Variants in GLT8D2 observed in about 807,000 individuals in gnomAD.
GLT8D2 encodes the protein glycosyltransferase 8 domain containing 2.
In GLT8D2, 45 loss-of-function variants were observed where a neutral mutation model predicts 44.5. That is an observed-to-expected ratio of 1.01 (90% CI 0.80 to 1.30). The LOEUF (loss-of-function observed/expected upper bound fraction) is 1.30, where lower values mean the gene tolerates loss of function less well. Ranked by LOEUF, GLT8D2 falls within the 50% of genes most tolerant of loss-of-function variation. The pLI, the probability that GLT8D2 is intolerant of heterozygous loss-of-function variation, is 0.00. For missense variants in GLT8D2, 400 were observed against 430.4 expected (o/e 0.93, Z 0.62); for synonymous variants, 156 against 157.2 (o/e 0.99, Z 0.06).
rs530663072 is a variant in GLT8D2, at chr12:104,063,004, T to C, written c.-423+945A>G. Among the ~76,000 whole-genome samples the C allele has an allele frequency of 2.0e-5, 3 of 152,138 alleles. No individual in the cohort carries two copies. The East Asian group carries it at 5.8e-4, about 29-fold the overall frequency. On this transcript the variant is annotated intron_variant, in intron 1 of 10. Coordinates refer to the GLT8D2 transcript ENST00000548660. ...GAACTGCCCATAGGAGGGATCTAAATTGTGTACTCCCTATGAGAATCTTAT... is the reference window on the plus strand; with the variant it reads ...GAACTGCCCATAGGAGGGATCTAAACTGTGTACTCCCTATGAGAATCTTAT...
chr12:104,051,746 G>GT (rs1278209469), upstream of GLT8D2, among the ~76,000 whole-genome samples: 6 of 151,312 alleles, frequency 4.0e-5, no homozygotes, highest in Admixed American at 4.0e-4. Flanking sequence ...GCCCTTCCCA[G>GT]TGTTTTTTTT....
At chr12:104,012,320 C>G (rs1270316620) in intron 4 of GLT8D2, among the ~76,000 whole-genome samples, 2 of 151,864 alleles carry the variant, frequency 1.3e-5, no homozygotes, top group Non-Finnish European at 2.9e-5. Flanking sequence ...CATGCCAATG[C>G]TACATTCGTT....
chr12:104,004,855 T>A (rs1349492724), intron 4 of GLT8D2, among the ~76,000 whole-genome samples: 2 of 152,192 alleles, frequency 1.3e-5, no homozygotes, highest in African/African-American at 4.8e-5. Flanking sequence ...TACCAATGAC[T>A]TTCTTCACAG....
intron 5 of GLT8D2, among the ~76,000 whole-genome samples, chr12:104,001,960 C>T (rs1874275749): frequency 6.6e-6 from 1 of 152,128 alleles, no homozygotes; most frequent in South Asian, 2.1e-4. Context: ...AGGAGTTAGC[C>T]ACTGCGCCCA....
chr12:104,028,452 G>A lies in GLT8D2; in HGVS notation c.-163-6961C>T, dbSNP rs143682744. On this transcript the variant is annotated intron_variant, in intron 1 of 10. Transcript: ENST00000360814. ...TGGACAAGACACAGTTTCTGACTGA[G>A]GGCACTAAAGTCAAGTGGAAAATCA... 9.3e-3 allele frequency among the ~76,000 whole-genome samples: 1,410 copies of A among 152,218 alleles called. 14 individuals are homozygous for A. The highest frequency in any genetic ancestry group is 0.015 in the Non-Finnish European group (1,024 of 68,022).
intron 4 of GLT8D2, 70 bp downstream of exon 4, chr12:104,014,943 A>G (rs1876358060): frequency 9.3e-7 from 1 of 1,074,422 alleles, no homozygotes; most frequent in East Asian, 2.5e-5. Context: ...AGCTATTGAA[A>G]GGACCTAGAG....
At chr12:104,048,598 G>C (rs1252434382) in intron 1 of GLT8D2, among the ~76,000 whole-genome samples, 8 of 152,136 alleles carry the variant, frequency 5.3e-5, no homozygotes, top group Admixed American at 5.2e-4. Flanking sequence ...AAGACAGAAT[G>C]GGAAATAAAA....
In GLT8D2 at chr12:104,041,696, C is replaced by T. The variant is rs142372225; in HGVS notation, c.-164+8199G>A. Among the ~76,000 whole-genome samples the T allele has an allele frequency of 3.1e-3, 466 of 152,352 alleles. 1 individual carries two copies. Among genetic ancestry groups the T allele is most frequent in the Non-Finnish European group, 5.4e-3 (366 of 68,038 alleles). On this transcript the variant is annotated intron_variant, in intron 1 of 10. Coordinates refer to ENST00000360814, the MANE Select transcript of GLT8D2 (RefSeq NM_001384711.1). Reference sequence around the variant, plus strand: ...CATTCAACAAACATTTACTCAACCTCTACGAATATACCAGGCACCCAGGCA... The same window carrying T: ...CATTCAACAAACATTTACTCAACCTTTACGAATATACCAGGCACCCAGGCA...
chr12:104,012,807 T>C, intron 4 of GLT8D2: 1 of 699,620 alleles, frequency 1.4e-6, no homozygotes, highest in South Asian at 1.5e-5. Context: ...GTAGGCCTTA[T>C]CCCAGTAAGA....
intron 1 of GLT8D2, among the ~76,000 whole-genome samples, chr12:104,033,553 G>T (rs1398102850): frequency 3.3e-5 from 5 of 152,054 alleles, no homozygotes; most frequent in African/African-American, 9.7e-5. Flanking sequence ...GTTATAAGAT[G>T]AGCAAGTTCT....
At chr12:104,055,709 T>G (rs2722171) in intron 1 of GLT8D2, among the ~76,000 whole-genome samples, 125,449 of 152,222 alleles carry the variant, frequency 0.82, 51,954 homozygotes, top group East Asian at 1. Flanking sequence ...GGTCTGCCTT[T>G]ACTGAGTATA....
intron 1 of GLT8D2, 121 bp downstream of exon 1, chr12:104,049,774 T>C (rs1279708004): frequency 1.3e-5 from 2 of 152,232 alleles, no homozygotes; most frequent in African/African-American, 4.8e-5. Flanking sequence ...GCAAAGTTTG[T>C]GTGGGGCAAT....
intron 10 of GLT8D2, 131 bp downstream of exon 10, chr12:103,993,261 G>T: frequency 1.4e-6 from 1 of 709,308 alleles, no homozygotes; most frequent in Non-Finnish European, 2.5e-6. Context: ...AACCCAGGAA[G>T]CGGAGGTTCC....
At chr12:104,015,983 C>A (rs527263871) in intron 3 of GLT8D2, among the ~76,000 whole-genome samples, 3 of 152,280 alleles carry the variant, frequency 2.0e-5, no homozygotes, top group Admixed American at 2.0e-4. Flanking sequence ...AGAGCAAGAC[C>A]TTCCTTCCAA....
At chr12:104,059,300 C>T (rs1424286363) in intron 1 of GLT8D2, among the ~76,000 whole-genome samples, 1 of 152,126 alleles carries the variant, frequency 6.6e-6, no homozygotes, top group Non-Finnish European at 1.5e-5. Flanking sequence ...TTTGATCCAC[C>T]AAATCCCAGC....
chr12:104,038,948 T>TA (rs1880239617), intron 1 of GLT8D2, among the ~76,000 whole-genome samples: 1 of 152,098 alleles, frequency 6.6e-6, no homozygotes. Flanking sequence ...AAAACAGAGA[T>TA]ACAGACCAAT....
upstream of GLT8D2, among the ~76,000 whole-genome samples, chr12:104,052,664 T>G (rs1881820630): frequency 6.6e-6 from 1 of 152,158 alleles, no homozygotes; most frequent in African/African-American, 2.4e-5. Context: ...TCTAAATCCC[T>G]CACACAATCC....
chr12:104,003,902 G>T (rs548734185), intron 4 of GLT8D2, among the ~76,000 whole-genome samples: 1 of 152,116 alleles, frequency 6.6e-6, no homozygotes, highest in Non-Finnish European at 1.5e-5. Flanking sequence ...TAGATTAGAA[G>T]AATAAAATGC....
intron 3 of GLT8D2, among the ~76,000 whole-genome samples, chr12:104,018,274 T>C (rs1593546933): frequency 6.6e-6 from 1 of 152,070 alleles, no homozygotes; most frequent in East Asian, 1.9e-4. Flanking sequence ...ACCTGGCCTG[T>C]ATTATTTTTT....
Sources: allele counts gnomAD v4.1 joint callset (sites outside exome capture counted in the v4.1 genomes callset), GRCh38; gene constraint gnomAD v4.1.1; transcripts MANE v1.5; gene names NCBI Gene and HGNC (gene_info 2026-07-23, HGNC 2026-07-21).